TENM2: variants seen among roughly 807,000 people sequenced by gnomAD.
TENM2 encodes teneurin-2.
TENM2 carries 52 observed loss-of-function variants against 245.2 expected under a neutral mutation model. The observed-to-expected ratio is 0.21, with a 90% CI of 0.17 to 0.27. TENM2 has a LOEUF of 0.27. TENM2 is among the 10% of genes least tolerant of loss of function. The pLI is 1.00. For synonymous variants in TENM2, 1,363 were observed against 1,438.9 expected, an observed-to-expected ratio of 0.95 and a Z score of 1.19; for missense variants, 3,046 against 3,666.8, an observed-to-expected ratio of 0.83 and a Z score of 4.37.
intron 2 of TENM2, among the ~76,000 whole-genome samples, chr5:167,421,117 T>C (rs573077976): frequency 6.6e-6 from 1 of 152,178 alleles, no homozygotes; most frequent in Admixed American, 6.5e-5. Flanking sequence ...CAGTAATACG[T>C]CTATGCTAAA....
At chr5:167,490,251 TAA>T (rs1768341238) in intron 2 of TENM2, among the ~76,000 whole-genome samples, 1 of 152,194 alleles carries the variant, frequency 6.6e-6, no homozygotes, top group Non-Finnish European at 1.5e-5. Flanking sequence ...ATGCATATAA[TAA>T]GTTTTTTTAA....
chr5:167,848,920 T>C (rs1401373316), intron 2 of TENM2, among the ~76,000 whole-genome samples: 2 of 152,196 alleles, frequency 1.3e-5, no homozygotes, highest in African/African-American at 4.8e-5. Context: ...CTTTTTGTTT[T>C]TTGGGTTTTT....
chr5:167,353,657 G>A (rs968945245), intron 1 of TENM2, among the ~76,000 whole-genome samples: 12 of 151,482 alleles, frequency 7.9e-5, no homozygotes, highest in African/African-American at 2.7e-4. Context: ...ACAGGCGCCC[G>A]CCACTACGCC....
intron 1 of TENM2, among the ~76,000 whole-genome samples, chr5:167,360,582 A>G (rs1759652996): frequency 6.6e-6 from 1 of 152,196 alleles, no homozygotes; most frequent in Admixed American, 6.5e-5. Context: ...AATGTATGTT[A>G]AGAATGAATA....
intron 13 of TENM2, chr5:168,187,188 C>A (rs898152494): frequency 1.4e-4 from 22 of 152,198 alleles, no homozygotes; most frequent in African/African-American, 5.3e-4. Context: ...CTTAGGCCAT[C>A]TCCTGCCAGA....
rs138401209 is a variant in TENM2, at chr5:168,215,887, C to T, written c.4078+615C>T. Reference sequence around the variant, plus strand: ...GGGCCTCTGGCCACGCCCAGACTTCCGTGGTAGACAGCAAATGTGTATGAA... The same window carrying T: ...GGGCCTCTGGCCACGCCCAGACTTCTGTGGTAGACAGCAAATGTGTATGAA... On this transcript the variant is annotated intron_variant, in intron 21 of 28. Transcript: ENST00000518659. Among the ~76,000 whole-genome samples the T allele has an allele frequency of 2.5e-3, 388 of 152,280 alleles. 2 individuals carry two copies. The highest frequency in any genetic ancestry group is 4.1e-3 in the South Asian group (20 of 4,826).
chr5:167,763,696 G>A (rs946236184), intron 2 of TENM2, among the ~76,000 whole-genome samples: 6 of 152,078 alleles, frequency 3.9e-5, no homozygotes, highest in South Asian at 2.1e-4. Context: ...GGCAGTGCGC[G>A]CTTCTAACTT....
At chr5:167,556,336 G>C (rs1773256541) in intron 2 of TENM2, among the ~76,000 whole-genome samples, 1 of 151,422 alleles carries the variant, frequency 6.6e-6, no homozygotes, top group Non-Finnish European at 1.5e-5. Flanking sequence ...TAAAACTTTA[G>C]AGGAAGGCAA....
rs189171280 is a variant in TENM2 at position 167,754,164 on chromosome 5, A to G, written c.503-121822A>G. ...TACTTTCCTTCCAGACATGATGGATAGTTGTTTCCCTATAAGATACTGCAC... is the reference window on the plus strand; with the variant it reads ...TACTTTCCTTCCAGACATGATGGATGGTTGTTTCCCTATAAGATACTGCAC... On this transcript the variant is annotated intron_variant, in intron 2 of 28. Coordinates refer to ENST00000518659, the Ensembl canonical transcript of TENM2. Among the ~76,000 whole-genome samples, 391 of 152,328 alleles carry G rather than the reference A, an allele frequency of 2.6e-3. 1 individual carries two copies. The highest frequency in any genetic ancestry group is 4.5e-3 in the Non-Finnish European group (303 of 68,032).
chr5:167,503,691 C>A (rs542321841), intron 2 of TENM2, among the ~76,000 whole-genome samples: 16 of 152,060 alleles, frequency 1.1e-4, no homozygotes, highest in Admixed American at 5.2e-4. Flanking sequence ...CCCAGGAGTT[C>A]CAGACCAGTC....
At chr5:167,256,447 G>C in the TENM2 span, among the ~76,000 whole-genome samples, 1 of 152,126 alleles carries the variant, frequency 6.6e-6, no homozygotes, top group Admixed American at 6.6e-5. Flanking sequence ...TTGTGATAGT[G>C]AGATCTGCCA....
In TENM2 at chr5:168,253,523, TCA is replaced by T. The variant is rs1767341801; in HGVS notation, c.7432+5156_7432+5157del. 2.0e-5 allele frequency among the ~76,000 whole-genome samples: 3 copies of T among 151,620 alleles called. No homozygotes were observed. In the South Asian group the frequency reaches 6.3e-4, roughly 32 times the overall value. On this transcript the variant is annotated intron_variant, in intron 27 of 28. Transcript: ENST00000518659. The stretch of plus-strand genomic sequence containing the variant: ...TCACTGCAAGCTCCGCCTCACGGGT[TCA>T]CACCATTCTCCTGCCTCAGCCCGCG...
intron 2 of TENM2, among the ~76,000 whole-genome samples, chr5:167,758,630 A>G (rs1017498781): frequency 6.6e-6 from 1 of 152,040 alleles, no homozygotes. Flanking sequence ...GCTCTAGATC[A>G]TTGCATGTTA....
At chr5:167,690,057 A>T (rs1423842055) in intron 2 of TENM2, among the ~76,000 whole-genome samples, 1 of 151,802 alleles carries the variant, frequency 6.6e-6, no homozygotes, top group Non-Finnish European at 1.5e-5. Flanking sequence ...TTGAAAAGAA[A>T]ATCATCTGGG....
At chr5:167,852,317 G>A (rs1216389013) in intron 2 of TENM2, among the ~76,000 whole-genome samples, 1 of 152,136 alleles carries the variant, frequency 6.6e-6, no homozygotes, top group African/African-American at 2.4e-5. Flanking sequence ...CAAGCAATCA[G>A]CGCATGACTG....
At chr5:167,015,208 G>T in the TENM2 span, among the ~76,000 whole-genome samples, 1 of 152,124 alleles carries the variant, frequency 6.6e-6, no homozygotes, top group South Asian at 2.1e-4. Flanking sequence ...AATATTTTTG[G>T]TTAGTTCAGT....
intron 2 of TENM2, among the ~76,000 whole-genome samples, chr5:167,391,280 A>G (rs1352757041): frequency 1.3e-5 from 2 of 152,122 alleles, no homozygotes; most frequent in Non-Finnish European, 2.9e-5. Flanking sequence ...TTTTGGAGCT[A>G]GAGTATACAG....
At chr5:167,126,959 T>A in the TENM2 span, among the ~76,000 whole-genome samples, 1 of 152,150 alleles carries the variant, frequency 6.6e-6, no homozygotes, top group Non-Finnish European at 1.5e-5. Flanking sequence ...TTGGTACATT[T>A]GTAGCAGAGC....
At chr5:167,314,910 C>T (rs1756264951) in intron 1 of TENM2, among the ~76,000 whole-genome samples, 1 of 151,870 alleles carries the variant, frequency 6.6e-6, no homozygotes, top group Non-Finnish European at 1.5e-5. Flanking sequence ...GATTTTTATA[C>T]AAAAGTTACA....
Sources: gnomAD v4.1 joint callset for allele counts (sites outside exome capture counted in the v4.1 genomes callset) on GRCh38, gnomAD v4.1.1 for gene constraint, MANE v1.5 for transcripts, NCBI Gene and HGNC (gene_info 2026-07-23, HGNC 2026-07-21) for gene names.